Variants in EPS8L2 observed in about 807,000 individuals in gnomAD.
EPS8L2 encodes EPS8 signaling adaptor L2.
Under a neutral mutation model 99.4 loss-of-function variants are expected in EPS8L2, and 81 were observed. The observed-to-expected ratio is 0.82, with a 90% CI of 0.68 to 0.98. The LOEUF (loss-of-function observed/expected upper bound fraction) is 0.98, where lower values mean the gene tolerates loss of function less well. EPS8L2 is among the 50% of genes least tolerant of loss of function. The pLI, the probability that EPS8L2 is intolerant of heterozygous loss-of-function variation, is 0.00. For synonymous variants in EPS8L2, 509 were observed against 407.3 expected (o/e 1.25, Z -3.01); for missense variants, 1,155 against 968.8 (o/e 1.19, Z -2.55).
rs1374953979 is a variant in EPS8L2, at chr11:721,226, G to A, written c.700+20G>A. The A allele has an allele frequency of 7.8e-6, 12 of 1,533,934 alleles. No homozygotes were observed. Among genetic ancestry groups the A allele is most frequent in the Middle Eastern group, 1.8e-4 (1 of 5,522 alleles). On this transcript the variant is annotated intron_variant, in intron 8 of 20. Transcript: ENST00000318562. ...AGCCAGGTGGGCCGAGGGGCTGGAG[G>A]GGGCTCCACAGGGCTCGTTGTGGGG...
intron 10 of EPS8L2, 33 bp downstream of exon 10, chr11:721,724 A>T (rs778538911): frequency 1.6e-6 from 2 of 1,273,140 alleles, no homozygotes; most frequent in Non-Finnish European, 2.1e-6. Context: ...CGGCAGGTGC[A>T]GGGGACGGGG....
Position 719,401 on chromosome 11 carries a change from G to A in EPS8L2, c.166-661G>A, listed in dbSNP as rs185668117. On this transcript the variant is annotated intron_variant, in intron 4 of 20. Transcript: ENST00000318562. The stretch of plus-strand genomic sequence containing the variant: ...TGGGAGGGTTTTACTTAGTGAACAC[G>A]GCAGCTTGGCTGGAGGAGGGGGCCT... Among the ~76,000 whole-genome samples the A allele has an allele frequency of 9.6e-3, 1,455 of 152,352 alleles. 5 individuals carry two copies. The highest frequency in any genetic ancestry group is 0.015 in the Non-Finnish European group (1,001 of 68,040).
At chr11:720,794 C>T (rs1326157012) in intron 6 of EPS8L2, 36 bp from the exon 7 acceptor site, 2 of 1,543,310 alleles carry the variant, frequency 1.3e-6, no homozygotes, top group Non-Finnish European at 1.7e-6. Context: ...CGCGCCGCGC[C>T]CCGCCCTCCT....
chr11:720,454 C>T (rs932639124), intron 5 of EPS8L2, 143 bp from the exon 6 acceptor site: 87 of 1,351,738 alleles, frequency 6.4e-5, no homozygotes, highest in Middle Eastern at 2.5e-4. Flanking sequence ...GGGTGTGTCC[C>T]GGGCCTAGTC....
At position 724,634 on chromosome 11, in the gene EPS8L2, C is replaced by A; in HGVS notation, c.1455-90C>A. ...AACAGAAAAGAGGCAGCCAGTCGTG[C>A]ACCTGGGAAGCTGCTGCCCCCCAGC... On this transcript the variant is annotated intron_variant, in intron 15 of 20. Transcript: ENST00000318562. This position sits in a 1 kb window ranked among gnomAD's most constrained non-coding sequence, Gnocchi z 5.5. 1.2e-6 allele frequency: 1 copy of A among 859,354 alleles called. No individual in the cohort carries two copies. The highest frequency in any genetic ancestry group is 2.0e-6 in the Non-Finnish European group (1 of 506,354). The allele number at this position is 859,354 out of a possible 1,614,324, so 53.2% of individuals were successfully genotyped here. A position where few individuals can be genotyped will look rare whatever the true frequency, so the allele number is the denominator to read the frequency against.
In EPS8L2 at chr11:707,969, A is replaced by G. The variant is rs952368246; in HGVS notation, c.-78-1361A>G. Among the ~76,000 whole-genome samples, 100 of 152,230 alleles carry G rather than the reference A, an allele frequency of 6.6e-4. 1 individual carries two copies. Among genetic ancestry groups the G allele is most frequent in the African/African-American group, 2.3e-3 (95 of 41,530 alleles). ...CCAGACATTCTCCACGGATAGATGG[A>G]TGGAGGAAGTGGCCATACCCCCTGG... On this transcript the variant is annotated intron_variant, in intron 1 of 20. Coordinates refer to ENST00000318562, the MANE Select transcript of EPS8L2 (RefSeq NM_022772.4).
intron 4 of EPS8L2, among the ~76,000 whole-genome samples, chr11:712,290 G>A (rs1286234782): frequency 2.6e-5 from 4 of 151,048 alleles, no homozygotes; most frequent in Admixed American, 2.0e-4. Context: ...CATCTCAAAA[G>A]GAAAAAAAAA....
At position 710,461 on chromosome 11, in the gene EPS8L2, A is replaced by T. The variant is rs1377383772; in HGVS notation, c.140A>T (p.His47Leu). The change falls in exon 4 of 21, where the codon CAC (histidine) becomes CTC (leucine). Residue 47 changes from histidine to leucine, a missense_variant. Transcript: ENST00000318562. ...KKYSNSNVIM[H>L]ETSQYHVQHL... ...TATTCCAACTCCAACGTCATCATGC[A>T]CGAGACCTCGCAGTACCACGTCCAG... 1 of 1,613,730 alleles carries T rather than the reference A, an allele frequency of 6.2e-7. No individual in the cohort carries two copies. The highest frequency in any genetic ancestry group is 1.1e-5 in the South Asian group (1 of 91,078).
intron 14 of EPS8L2, among the ~76,000 whole-genome samples, 175 bp from the exon 15 acceptor site, chr11:723,066 G>A (rs1862234203): frequency 7.8e-6 from 1 of 127,454 alleles, no homozygotes; most frequent in South Asian, 2.7e-4. Context: ...CAGCTCAGCT[G>A]CCCCTAGCCC....
intron 4 of EPS8L2, among the ~76,000 whole-genome samples, chr11:715,618 GTTTTTTTTTTT>G (rs929222502): frequency 8.3e-6 from 1 of 120,038 alleles, no homozygotes; most frequent in Non-Finnish European, 1.7e-5. Flanking sequence ...TTTTTCTTTT[GTTTTTTTTTTT>G]TTTTTTTTTG....
At position 720,853 on chromosome 11, in the gene EPS8L2, C is replaced by T. The variant is rs1419753258; in HGVS notation, c.501C>T (p.Ile167=). The T allele has an allele frequency of 2.6e-6, 4 of 1,531,352 alleles. No homozygotes were observed. The highest frequency in any genetic ancestry group is 2.6e-6 in the Non-Finnish European group (3 of 1,141,680). The allele number at this position is 1,531,352 out of a possible 1,614,324, so 94.9% of individuals were successfully genotyped here. A position where few individuals can be genotyped will look rare whatever the true frequency, so the allele number is the denominator to read the frequency against. Residue 167 remains isoleucine (I), a synonymous_variant, in exon 7 of 21, where the codon ATC becomes ATT. Transcript: ENST00000318562. ...AGGCAGAGCTGGTGCACGAGGACAT[C>T]GAGAGCGCGTTGGCCGACTGCCGGC... ...EVEAELVHED[I]ESALADCRLG...
At chr11:720,286 T>C (rs1862120887) in intron 5 of EPS8L2, 63 bp downstream of exon 5, 9 of 1,559,588 alleles carry the variant, frequency 5.8e-6, no homozygotes, top group South Asian at 3.4e-5. Context: ...AGCCACCGGC[T>C]GCAGCCCGGA....
rs1862353012 is a variant in EPS8L2, at chr11:727,114, CT to C, written c.*134del. On this transcript the variant is annotated 3_prime_UTR_variant, in exon 21 of 21. Transcript: ENST00000318562. Reference sequence around the variant, plus strand: ...TGGTGCTGGCTAGAGGTCCCTGCCCCTGTCTGGAGGCACAACGCCCATCCTT... The same window carrying C: ...TGGTGCTGGCTAGAGGTCCCTGCCCCGTCTGGAGGCACAACGCCCATCCTT... The C allele has an allele frequency of 1.5e-6, 1 of 675,284 alleles. No homozygotes were observed. Among genetic ancestry groups the C allele is most frequent in the South Asian group, 1.8e-5 (1 of 54,092 alleles). 41.8% of individuals were successfully genotyped at this position (675,284 alleles called of 1,614,324 possible).
Position 724,910 on chromosome 11 carries a change from C to T in EPS8L2, c.1560+81C>T, listed in dbSNP as rs372137084. On this transcript the variant is annotated intron_variant, in intron 16 of 20. Coordinates refer to ENST00000318562, the MANE Select transcript of EPS8L2 (RefSeq NM_022772.4). This position sits in a 1 kb window ranked among gnomAD's most constrained non-coding sequence, Gnocchi z 5.5. ...AGGGGCTACCAGGGGAGGTGGGGAG[C>T]GGTCTAGGGCCAGGCTGGGTGATGC... 3.1e-5 allele frequency: 33 copies of T among 1,059,278 alleles called. 2 individuals carry two copies. The highest frequency in any genetic ancestry group is 2.6e-4 in the South Asian group (20 of 76,452). The allele number at this position is 1,059,278 out of a possible 1,614,324, so 65.6% of individuals were successfully genotyped here.
At chr11:714,517 C>T (rs574453459) in intron 4 of EPS8L2, among the ~76,000 whole-genome samples, 22 of 151,932 alleles carry the variant, frequency 1.4e-4, no homozygotes, top group African/African-American at 2.9e-4. Context: ...AGGCGTGAGC[C>T]GCCGCGCTGG....
chr11:725,070 TG>T (rs1862278754), intron 16 of EPS8L2, among the ~76,000 whole-genome samples: 1 of 152,170 alleles, frequency 6.6e-6, no homozygotes, highest in African/African-American at 2.4e-5. Flanking sequence ...TGTGCCAGGC[TG>T]GGGGGAGCAT....
intron 4 of EPS8L2, among the ~76,000 whole-genome samples, chr11:713,400 G>C (rs1861938137): frequency 6.6e-6 from 1 of 152,196 alleles, no homozygotes; most frequent in Non-Finnish European, 1.5e-5. Flanking sequence ...TTGTGTGTTT[G>C]AGACGGAGTC....
In EPS8L2 at chr11:710,406, G is replaced by A. The variant is rs1330255643; in HGVS notation, c.101-16G>A. ...GTCCTGCCCGTCGGGGGAGTGACTG[G>A]TGTCTCCCGGTTCAGAGCAGAGGAA... On this transcript the variant is annotated splice_polypyrimidine_tract_variant and intron_variant, in intron 3 of 20. Coordinates refer to ENST00000318562, the MANE Select transcript of EPS8L2 (RefSeq NM_022772.4). 1.2e-6 allele frequency: 2 copies of A among 1,612,938 alleles called. No homozygotes were observed. Among genetic ancestry groups the A allele is most frequent in the Non-Finnish European group, 1.7e-6 (2 of 1,179,628 alleles).
intron 4 of EPS8L2, among the ~76,000 whole-genome samples, chr11:714,164 GTTTTC>G (rs1261471003): frequency 4.0e-5 from 6 of 151,708 alleles, no homozygotes; most frequent in Non-Finnish European, 5.9e-5. Flanking sequence ...TTTCTTCCGT[GTTTTC>G]TTTTATTTTT....
Sources: allele counts gnomAD v4.1 joint callset (sites outside exome capture counted in the v4.1 genomes callset), GRCh38; gene constraint gnomAD v4.1.1; non-coding constraint Gnocchi (gnomAD v3.1); transcripts MANE v1.5; gene names NCBI Gene and HGNC (gene_info 2026-07-23, HGNC 2026-07-21).